PKHD1L1: variants seen among roughly 807,000 people sequenced by gnomAD.
The protein encoded by PKHD1L1 is fibrocystin-L.
Under a neutral mutation model 462.9 loss-of-function variants are expected in PKHD1L1, and 434 were observed. That is an observed-to-expected ratio of 0.94 (90% CI 0.87 to 1.02). The LOEUF is 1.02. PKHD1L1 is among the 50% of genes least tolerant of loss of function. PKHD1L1 has a pLI of 0.00. For synonymous variants in PKHD1L1, 1,781 were observed against 1,750.0 expected (o/e 1.02, Z -0.44); for missense variants, 5,202 against 5,096.1 (o/e 1.02, Z -0.63).
intron 46 of PKHD1L1, among the ~76,000 whole-genome samples, chr8:109,458,647 A>G (rs775161758): frequency 6.6e-6 from 1 of 152,114 alleles, no homozygotes; most frequent in Non-Finnish European, 1.5e-5. Context: ...AATCTATTTC[A>G]CATGTGACAC....
chr8:109,504,338 G>T lies in PKHD1L1; in HGVS notation c.10840G>T (p.Val3614Phe). ...GLLDISGSTF[V>F]GFKNVCSGET... ...TATTTATGTTTTAGGTTCAACATTT[G>T]TTGGATTTAAGAATGTTTGTTCAGG... Residue 3614 changes from valine to phenylalanine, a missense_variant, in exon 68 of 78, where the codon GTT becomes TTT. Val to Phe is a conservative substitution (Grantham distance 50, BLOSUM62 -1). Transcript: ENST00000378402. 7.0e-7 allele frequency: 1 copy of T among 1,436,134 alleles called. No individual in the cohort carries two copies. Among genetic ancestry groups the T allele is most frequent in the Non-Finnish European group, 9.4e-7 (1 of 1,067,574 alleles). The allele number at this position is 1,436,134 out of a possible 1,614,324, so 89.0% of individuals were successfully genotyped here.
At chr8:109,383,481 TA>T (rs1812277996) in intron 4 of PKHD1L1, among the ~76,000 whole-genome samples, 1 of 131,432 alleles carries the variant, frequency 7.6e-6, no homozygotes, top group Non-Finnish European at 1.6e-5. Context: ...TATATAAAAC[TA>T]TTTTTATATA....
intron 71 of PKHD1L1, 75 bp from the exon 72 acceptor site, chr8:109,515,095 T>C: frequency 1.7e-6 from 2 of 1,197,078 alleles, no homozygotes; most frequent in South Asian, 1.8e-5. Flanking sequence ...GTATACAATA[T>C]TGAAGGACGG....
chr8:109,375,698 T>C (rs929821966), intron 2 of PKHD1L1, among the ~76,000 whole-genome samples: 1 of 152,194 alleles, frequency 6.6e-6, no homozygotes, highest in African/African-American at 2.4e-5. Context: ...GTCCTTTCTG[T>C]TTGTTAGTTT....
intron 40 of PKHD1L1, among the ~76,000 whole-genome samples, chr8:109,450,762 A>G (rs536313754): frequency 6.6e-6 from 1 of 152,320 alleles, no homozygotes; most frequent in African/African-American, 2.4e-5. Context: ...AGGAGGGTCG[A>G]AGGGCTTTTT....
rs2130792437 is a variant in PKHD1L1, at chr8:109,452,983, A to C, written c.6664+109A>C. The C allele has an allele frequency of 4.1e-6, 4 of 965,182 alleles. 1 individual carries two copies. The Middle Eastern group carries it at 8.6e-4, about 206-fold the overall frequency. 59.8% of individuals were successfully genotyped at this position (965,182 alleles called of 1,614,324 possible). ...ACAAACATAGTTGCACTATCTTTTTAATATACAGTGTAGTCCTGGGCTTTC... is the reference window on the plus strand; with the variant it reads ...ACAAACATAGTTGCACTATCTTTTTCATATACAGTGTAGTCCTGGGCTTTC... On this transcript the variant is annotated intron_variant, in intron 43 of 77. Transcript: ENST00000378402.
In PKHD1L1 at chr8:109,532,300, T is replaced by C. The variant is rs1821058963; in HGVS notation, c.*2210T>C. Among the ~76,000 whole-genome samples, 1 of 152,228 alleles carries C rather than the reference T, an allele frequency of 6.6e-6. No homozygotes were observed. Among genetic ancestry groups the C allele is most frequent in the African/African-American group, 2.4e-5 (1 of 41,464 alleles). ...CTTTAGGCTTCTGGCTGTCTGCTTT[T>C]TAAGAACATTCTAGAATTATCATAA... is the stretch of plus-strand genomic sequence containing the variant. On this transcript the variant is annotated 3_prime_UTR_variant, in exon 78 of 78. Coordinates refer to ENST00000378402, the MANE Select transcript of PKHD1L1 (RefSeq NM_177531.6).
At chr8:109,510,366 C>T (rs1411683269) in intron 70 of PKHD1L1, among the ~76,000 whole-genome samples, 1 of 152,120 alleles carries the variant, frequency 6.6e-6, no homozygotes, top group East Asian at 1.9e-4. Context: ...AAGTTCAATT[C>T]CCACTCAAGC....
At position 109,443,716 on chromosome 8, in the gene PKHD1L1, C is replaced by T; in HGVS notation, c.4605C>T (p.Gly1535=). The change falls in exon 37 of 78, where the codon GGC becomes GGT. Residue 1535 remains glycine (G), a synonymous_variant. Transcript: ENST00000378402. ...ENLHLGSSVA[G]CLATEPLCSL... is the part of the protein sequence containing the mutation. ...TGCACTTGGGAAGCTCTGTGGCAGG[C>T]TGCCTAGCAACAGAACCCCTGTGCA... 6.2e-7 allele frequency: 1 copy of T among 1,613,480 alleles called. No individual in the cohort carries two copies. Among genetic ancestry groups the T allele is most frequent in the Non-Finnish European group, 8.5e-7 (1 of 1,179,660 alleles).
chr8:109,464,069 A>T, intron 48 of PKHD1L1, 147 bp from the exon 49 acceptor site: 1 of 451,052 alleles, frequency 2.2e-6, no homozygotes, highest in Non-Finnish European at 3.2e-6. Context: ...TTGGGGGTTC[A>T]ATAACATTTT....
chr8:109,511,522 A>T (rs1819982216), intron 71 of PKHD1L1, among the ~76,000 whole-genome samples: 1 of 151,376 alleles, frequency 6.6e-6, no homozygotes, highest in South Asian at 2.1e-4. Flanking sequence ...AAGGACATGA[A>T]CTCATCATTT....
rs60902563 is a variant in PKHD1L1, at chr8:109,364,646, CTTTTTT to C, written c.163+23_163+28del. ...ACTATAAGAGGGGAAGGTATCGTTGCTTTTTTTTTTTTTTTTTTGCCAAGGTTGAGG... is the reference window on the plus strand; with the variant it reads ...ACTATAAGAGGGGAAGGTATCGTTGCTTTTTTTTTTTTGCCAAGGTTGAGG... On this transcript the variant is annotated intron_variant, in intron 2 of 77. Coordinates refer to ENST00000378402, the MANE Select transcript of PKHD1L1 (RefSeq NM_177531.6). The C allele has an allele frequency of 2.8e-3, 2,860 of 1,028,538 alleles. 38 individuals carry two copies. In the African/African-American group the frequency reaches 0.044, roughly 16 times the overall value. 63.7% of individuals were successfully genotyped at this position (1,028,538 alleles called of 1,614,324 possible).
At chr8:109,418,802 T>C (rs1156652399) in intron 21 of PKHD1L1, among the ~76,000 whole-genome samples, 1 of 152,222 alleles carries the variant, frequency 6.6e-6, no homozygotes, top group Non-Finnish European at 1.5e-5. Flanking sequence ...ATGCCTGTGC[T>C]TCTTAGTTTC....
At chr8:109,443,227 C>T in intron 36 of PKHD1L1, 111 bp downstream of exon 36, 1 of 1,000,690 alleles carries the variant, frequency 1.0e-6, no homozygotes. Context: ...ATCTTACTAG[C>T]CACGTGACCT....
chr8:109,386,324 A>G (rs150471921), intron 6 of PKHD1L1, among the ~76,000 whole-genome samples: 43 of 152,304 alleles, frequency 2.8e-4, no homozygotes, highest in African/African-American at 1.0e-3. Flanking sequence ...TTTATTTCCT[A>G]CAGAAAAAAG....
intron 65 of PKHD1L1, 26 bp from the exon 66 acceptor site, chr8:109,498,436 A>G (rs1370034682): frequency 9.9e-6 from 15 of 1,510,568 alleles, no homozygotes; most frequent in African/African-American, 1.4e-5. Context: ...TATTAATGCT[A>G]TATTGTTTGG....
At chr8:109,505,090 A>G (rs1024789508) in intron 68 of PKHD1L1, among the ~76,000 whole-genome samples, 4 of 151,886 alleles carry the variant, frequency 2.6e-5, no homozygotes, top group African/African-American at 7.3e-5. Context: ...GGGTCTTTCT[A>G]TGTTTCCCAG....
intron 14 of PKHD1L1, among the ~76,000 whole-genome samples, chr8:109,402,771 G>C (rs746418163): frequency 3.3e-5 from 5 of 152,102 alleles, no homozygotes; most frequent in Non-Finnish European, 7.4e-5. Flanking sequence ...CTCAGAGGCA[G>C]CATCATGAGG....
chr8:109,439,508 T>C (rs1210581541), intron 32 of PKHD1L1, among the ~76,000 whole-genome samples: 2 of 152,018 alleles, frequency 1.3e-5, no homozygotes, highest in African/African-American at 4.8e-5. Flanking sequence ...TAATTGTAAA[T>C]GTGAAAAATA....
Sources: gnomAD v4.1 joint callset for allele counts (sites outside exome capture counted in the v4.1 genomes callset) on GRCh38, gnomAD v4.1.1 for gene constraint, MANE v1.5 for transcripts, NCBI Gene and HGNC (gene_info 2026-07-23, HGNC 2026-07-21) for gene names.